The following TTC27 variants were observed in gnomAD, a reference collection of about 807,000 sequenced individuals.
TTC27 encodes tetratricopeptide repeat domain 27.
Under a neutral mutation model 115.9 loss-of-function variants are expected in TTC27, and 79 were observed. The observed-to-expected ratio is 0.68, with a 90% CI of 0.57 to 0.82. TTC27 has a LOEUF of 0.82. TTC27 is among the 40% of genes least tolerant of loss of function. The pLI is 0.00. For missense variants in TTC27, 1,054 were observed against 993.1 expected (o/e 1.06, Z -0.82); for synonymous variants, 401 against 356.0 (o/e 1.13, Z -1.42).
intron 12 of TTC27, among the ~76,000 whole-genome samples, chr2:32,753,890 A>C (rs112312831): frequency 6.6e-6 from 1 of 151,900 alleles, no homozygotes; most frequent in African/African-American, 2.4e-5. Flanking sequence ...CCTGGCCAAC[A>C]TGGTGAAACT....
At chr2:32,650,676 C>T (rs1399287509) in intron 5 of TTC27, among the ~76,000 whole-genome samples, 1 of 151,860 alleles carries the variant, frequency 6.6e-6, no homozygotes. Context: ...ATCCTATATC[C>T]TATTGAGTAC....
At chr2:32,799,362 A>T (rs1670843142) in intron 16 of TTC27, among the ~76,000 whole-genome samples, 3 of 152,322 alleles carry the variant, frequency 2.0e-5, no homozygotes, top group South Asian at 4.1e-4. Flanking sequence ...TTGTACATTT[A>T]AAAATGGTTA....
chr2:32,756,679 T>A (rs1379576140), intron 12 of TTC27, among the ~76,000 whole-genome samples: 1 of 152,248 alleles, frequency 6.6e-6, no homozygotes, highest in Non-Finnish European at 1.5e-5. Flanking sequence ...ACTTTCGGAT[T>A]GCCAACTGAT....
chr2:32,632,806 G>A (rs2151858445), intron 2 of TTC27, among the ~76,000 whole-genome samples: 1 of 152,216 alleles, frequency 6.6e-6, no homozygotes, highest in South Asian at 2.1e-4. Flanking sequence ...GCTAGAGTTG[G>A]ATCTGTACCT....
At chr2:32,729,633 A>G (rs1302808620) in intron 10 of TTC27, among the ~76,000 whole-genome samples, 1 of 152,178 alleles carries the variant, frequency 6.6e-6, no homozygotes, top group African/African-American at 2.4e-5. Flanking sequence ...ACAGTAGTCC[A>G]TGCAACATGA....
chr2:32,759,859 A>T (rs1209245354), intron 13 of TTC27, among the ~76,000 whole-genome samples: 1 of 152,192 alleles, frequency 6.6e-6, no homozygotes, highest in Non-Finnish European at 1.5e-5. Context: ...TCCTTTTGTG[A>T]CTGACTTATT....
At chr2:32,812,699 T>C (rs1420163147) in intron 18 of TTC27, 84 bp downstream of exon 18, 4 of 1,021,580 alleles carry the variant, frequency 3.9e-6, no homozygotes, top group African/African-American at 1.6e-5. Flanking sequence ...AAAGTAAAGT[T>C]CCATTATAAA....
At chr2:32,762,302 TG>T (rs1393823044) in intron 13 of TTC27, among the ~76,000 whole-genome samples, 1 of 151,030 alleles carries the variant, frequency 6.6e-6, no homozygotes, top group Non-Finnish European at 1.5e-5. Context: ...TGTGTGTGTG[TG>T]TGTGTGTGTG....
intron 13 of TTC27, among the ~76,000 whole-genome samples, chr2:32,761,734 C>T (rs1669443968): frequency 1.3e-5 from 2 of 152,156 alleles, no homozygotes; most frequent in Admixed American, 6.5e-5. Context: ...CATACCCCTA[C>T]CTTATACTCC....
At chr2:32,727,583 G>A (rs564013434) in intron 10 of TTC27, among the ~76,000 whole-genome samples, 1 of 152,196 alleles carries the variant, frequency 6.6e-6, no homozygotes, top group Non-Finnish European at 1.5e-5. Flanking sequence ...ACCTATCTGT[G>A]TGAGGACAGA....
chr2:32,677,149 T>C (rs987073764), intron 8 of TTC27, among the ~76,000 whole-genome samples: 2 of 152,158 alleles, frequency 1.3e-5, no homozygotes, highest in Admixed American at 6.6e-5. Context: ...ATAATAAATA[T>C]ATAGTCCTCT....
rs542800631 is a variant in TTC27 at position 32,636,236 on chromosome 2, C to T, written c.396+2231C>T. 4.6e-5 allele frequency among the ~76,000 whole-genome samples: 7 copies of T among 152,096 alleles called. No homozygotes were observed. In the East Asian group the frequency reaches 9.7e-4, roughly 21 times the overall value. ...GCATTTCTTTTTTTTTGTTTTGAGA[C>T]GGAGTCTCACTCTGTCGCCCAGGCT... is the stretch of plus-strand genomic sequence containing the variant. On this transcript the variant is annotated intron_variant, in intron 3 of 19. Coordinates refer to ENST00000317907, the MANE Select transcript of TTC27 (RefSeq NM_017735.5).
In TTC27 at chr2:32,798,388, C is replaced by T. The variant is rs1190693229; in HGVS notation, c.1998+11239C>T. Among the ~76,000 whole-genome samples, 32 of 114,554 alleles carry T rather than the reference C, an allele frequency of 2.8e-4. 1 individual carries two copies. The highest frequency in any genetic ancestry group is 2.0e-4 in the African/African-American group (6 of 29,754). The allele number at this position is 114,554 out of a possible 152,430, so 75.2% of individuals were successfully genotyped here. A position where few individuals can be genotyped will look rare whatever the true frequency, so the allele number is the denominator to read the frequency against. ...GCACTCCAGCCTGGGCGACAGAGCG[C>T]GACTCCATCTCAAAAAAAAGAAAGA... is the stretch of plus-strand genomic sequence containing the variant. On this transcript the variant is annotated intron_variant, in intron 16 of 19. Transcript: ENST00000317907.
chr2:32,680,352 A>G (rs113816819), intron 9 of TTC27, among the ~76,000 whole-genome samples: 10 of 152,322 alleles, frequency 6.6e-5, no homozygotes, highest in African/African-American at 2.2e-4. Flanking sequence ...CGGGTATTGT[A>G]CTAGTCATTG....
At chr2:32,725,559 A>G (rs767396874) in intron 10 of TTC27, among the ~76,000 whole-genome samples, 4 of 152,150 alleles carry the variant, frequency 2.6e-5, no homozygotes, top group African/African-American at 4.8e-5. Flanking sequence ...ATGGTCTTGG[A>G]CAGCTCCACC....
chr2:32,789,598 A>G (rs1444374205), intron 16 of TTC27, among the ~76,000 whole-genome samples: 4 of 152,138 alleles, frequency 2.6e-5, no homozygotes, highest in African/African-American at 9.7e-5. Flanking sequence ...AATCAAAATC[A>G]TTGGAATTTT....
chr2:32,628,281 G>C lies in TTC27; in HGVS notation c.-12G>C. ...GTGGGAGCCTGTTTTGGCTGCAGCG[G>C]TGTCTGGGGTGATGTGGACCCCGGA... On this transcript the variant is annotated 5_prime_UTR_variant, in exon 1 of 20. Transcript: ENST00000317907. 1 of 1,599,984 alleles carries C rather than the reference G, an allele frequency of 6.3e-7. No individual in the cohort carries two copies. The highest frequency in any genetic ancestry group is 8.5e-7 in the Non-Finnish European group (1 of 1,174,956).
chr2:32,795,584 G>C (rs1045899814), intron 16 of TTC27, among the ~76,000 whole-genome samples: 1 of 149,710 alleles, frequency 6.7e-6, no homozygotes, highest in African/African-American at 2.5e-5. Flanking sequence ...ACAAAGTGTT[G>C]CTCTGTTGCC....
At position 32,683,285 on chromosome 2, in the gene TTC27, G is replaced by A. The variant is rs185308657; in HGVS notation, c.1119+4363G>A. Among the ~76,000 whole-genome samples the A allele has an allele frequency of 4.6e-3, 696 of 152,146 alleles. 3 individuals are homozygous for A. Among genetic ancestry groups the A allele is most frequent in the Non-Finnish European group, 6.4e-3 (438 of 67,992 alleles). ...TTTACAGGGGTGAGCCACCGCGCCCGGCCAATAGAAGTCTTAATACTCCTA... is the reference window on the plus strand; with the variant it reads ...TTTACAGGGGTGAGCCACCGCGCCCAGCCAATAGAAGTCTTAATACTCCTA... On this transcript the variant is annotated intron_variant, in intron 9 of 19. Coordinates refer to ENST00000317907, the MANE Select transcript of TTC27 (RefSeq NM_017735.5).
Sources: allele counts gnomAD v4.1 joint callset (sites outside exome capture counted in the v4.1 genomes callset), GRCh38; gene constraint gnomAD v4.1.1; transcripts MANE v1.5; gene names NCBI Gene and HGNC (gene_info 2026-07-23, HGNC 2026-07-21).